ZNF510: variants seen among roughly 807,000 people sequenced by gnomAD.
ZNF510 encodes zinc finger protein 510.
ZNF510 carries 15 observed loss-of-function variants against 18.1 expected under a neutral mutation model. The ratio of observed to expected loss-of-function variants is 0.83; its 90% CI spans 0.55 to 1.28. ZNF510 has a LOEUF of 1.28. Ranked by LOEUF, ZNF510 falls within the 50% of genes most tolerant of loss-of-function variation. The probability of loss-of-function intolerance (pLI) is 0.00; values close to 1 mark genes in which losing one functional copy is unlikely to be tolerated. For missense variants in ZNF510, 724 were observed against 791.8 expected, an observed-to-expected ratio of 0.91 and a Z score of 1.03; for synonymous variants, 261 against 266.4, an observed-to-expected ratio of 0.98 and a Z score of 0.20.
At chr9:96,770,137 AACAGT>A (rs2118032432) in intron 3 of ZNF510, among the ~76,000 whole-genome samples, 1 of 152,370 alleles carries the variant, frequency 6.6e-6, no homozygotes, top group Non-Finnish European at 1.5e-5. Flanking sequence ...CACTAGTCAT[AACAGT>A]CAAAAGGGAG....
At chr9:96,765,067 C>T (rs577416705) in intron 3 of ZNF510, among the ~76,000 whole-genome samples, 42 of 152,044 alleles carry the variant, frequency 2.8e-4, no homozygotes, top group African/African-American at 5.8e-4. Flanking sequence ...GAGCTGAGAT[C>T]GCGCCACTGC....
intron 3 of ZNF510, among the ~76,000 whole-genome samples, chr9:96,766,561 T>G (rs1438777355): frequency 6.6e-6 from 1 of 151,332 alleles, no homozygotes; most frequent in African/African-American, 2.5e-5. Context: ...TATAGAAGAT[T>G]GAAAAGACAT....
At position 96,755,418 on chromosome 9, in the gene ZNF510, T is replaced by C. The variant is rs1849171834; in HGVS notation, c.*3360A>G. Among the ~76,000 whole-genome samples, 2 of 152,224 alleles carry C rather than the reference T, an allele frequency of 1.3e-5. No homozygotes were observed. The highest frequency in any genetic ancestry group is 1.3e-4 in the Admixed American group (2 of 15,286). Reference sequence around the variant, plus strand: ...TGGTCCTAACAGGTACTAACTGGGCTTGTGTACCATTAATCTTCCTGTCAT... The same window carrying C: ...TGGTCCTAACAGGTACTAACTGGGCCTGTGTACCATTAATCTTCCTGTCAT... On this transcript the variant is annotated 3_prime_UTR_variant, in exon 6 of 6. Coordinates refer to ENST00000223428, the MANE Select transcript of ZNF510 (RefSeq NM_014930.3).
At chr9:96,772,028 C>A (rs1236471723) in intron 3 of ZNF510, among the ~76,000 whole-genome samples, 1 of 152,090 alleles carries the variant, frequency 6.6e-6, no homozygotes, top group Non-Finnish European at 1.5e-5. Context: ...TTGTGACTTA[C>A]TATAAAGCAA....
intron 5 of ZNF510, among the ~76,000 whole-genome samples, chr9:96,762,178 C>T (rs186774088): frequency 6.7e-6 from 1 of 148,796 alleles, no homozygotes; most frequent in Non-Finnish European, 1.5e-5. Context: ...CCAAATACCA[C>T]CTGTTCCCCC....
intron 5 of ZNF510, 121 bp from the exon 6 acceptor site, chr9:96,760,598 GTA>G (rs1443417994): frequency 3.4e-6 from 3 of 872,436 alleles, no homozygotes; most frequent in East Asian, 2.6e-5. Context: ...TAATTCAGAT[GTA>G]TGTGTGTGTA....
chr9:96,757,817 C>T lies in ZNF510; in HGVS notation c.*961G>A, dbSNP rs1588124120. 6.6e-6 allele frequency: 1 copy of T among 152,236 alleles called. No individual in the cohort carries two copies. Among genetic ancestry groups the T allele is most frequent in the East Asian group, 1.9e-4 (1 of 5,176 alleles). 9.4% of individuals were successfully genotyped at this position (152,236 alleles called of 1,614,324 possible). On this transcript the variant is annotated 3_prime_UTR_variant, in exon 6 of 6. Transcript: ENST00000223428. ...CCAGAAATGCTCTTGCAATTTCAGG[C>T]CATTATTTAGTAAAACAAGGGTTAC...
intron 3 of ZNF510, among the ~76,000 whole-genome samples, chr9:96,764,458 C>T (rs10124961): frequency 0.041 from 6,286 of 152,214 alleles, 434 homozygotes; most frequent in African/African-American, 0.14. Flanking sequence ...GGCCACTTAC[C>T]GCTTTTTAAA....
At position 96,776,213 on chromosome 9, in the gene ZNF510, G is replaced by A. The variant is rs1204341844; in HGVS notation, c.-144C>T. ...CTGTTCTGTCAGAGAGCAGTTCTTC[G>A]GTGGGACTCCTGTTCCTGGGGCTCC... On this transcript the variant is annotated 5_prime_UTR_variant, in exon 2 of 6. Coordinates refer to ENST00000223428, the MANE Select transcript of ZNF510 (RefSeq NM_014930.3). 5.9e-6 allele frequency: 8 copies of A among 1,365,876 alleles called. No individual in the cohort carries two copies. The highest frequency in any genetic ancestry group is 1.8e-5 in the South Asian group (1 of 54,708). 84.6% of individuals were successfully genotyped at this position (1,365,876 alleles called of 1,614,324 possible).
chr9:96,759,928 C>T lies in ZNF510; in HGVS notation c.902G>A (p.Arg301Lys). 1 of 1,613,354 alleles carries T rather than the reference C, an allele frequency of 6.2e-7. No individual in the cohort carries two copies. The highest frequency in any genetic ancestry group is 8.5e-7 in the Non-Finnish European group (1 of 1,179,968). ...CDKKTLFDHR[R>K]TGTGKKHLHL... ...CAGGTGTTTCTTCCCTGTGCCAGTT[C>T]TCCTGTGGTCAAAGAGAGTTTTCTT... The change falls in exon 6 of 6, where the codon AGA becomes AAA. Residue 301 changes from arginine to lysine, a missense_variant. Transcript: ENST00000223428.
At position 96,758,998 on chromosome 9, in the gene ZNF510, C is replaced by T. The variant is rs201666879; in HGVS notation, c.1832G>A (p.Arg611Gln). 121 of 1,601,514 alleles carry T rather than the reference C, an allele frequency of 7.6e-5. No individual in the cohort carries two copies. The highest frequency in any genetic ancestry group is 1.8e-4 in the East Asian group (8 of 43,868). ...KCNECGKKFV[R>Q]KAILSDHQRI... ...CTGATGATCACTAAGGATTGCTTTC[C>T]GGACAAATTTCTTCCCACATTCATT... The change falls in exon 6 of 6, where the codon CGG (arginine) becomes CAG (glutamine). Residue 611 changes from arginine (R) to glutamine (Q), a missense_variant. Physicochemically the swap from Arg to Gln is conservative, Grantham distance 43. Coordinates refer to ENST00000223428, the MANE Select transcript of ZNF510 (RefSeq NM_014930.3).
rs1651288800 is a variant in ZNF510 at position 96,759,792 on chromosome 9, G to A, written c.1038C>T (p.Asn346=). 1 of 1,613,824 alleles carries A rather than the reference G, an allele frequency of 6.2e-7. No homozygotes were observed. Among genetic ancestry groups the A allele is most frequent in the Admixed American group, 1.7e-5 (1 of 59,992 alleles). Residue 346 remains asparagine, a synonymous_variant, in exon 6 of 6, where the codon AAC becomes AAT. Coordinates refer to ENST00000223428, the MANE Select transcript of ZNF510 (RefSeq NM_014930.3). The part of the protein sequence containing the change: ...YELNPSGNNF[N]RKAHLTDPQT... Reference sequence around the variant, plus strand: ...GAGGATCAGTGAGGTGTGCCTTTCTGTTGAAATTATTTCCACTTGGATTTA... The same window carrying A: ...GAGGATCAGTGAGGTGTGCCTTTCTATTGAAATTATTTCCACTTGGATTTA...
At position 96,760,543 on chromosome 9, in the gene ZNF510, A is replaced by G. The variant is rs1477465587; in HGVS notation, c.353-66T>C. 3 of 1,397,632 alleles carry G rather than the reference A, an allele frequency of 2.1e-6. No individual in the cohort carries two copies. The Admixed American group carries it at 7.0e-5, about 33-fold the overall frequency. The allele number at this position is 1,397,632 out of a possible 1,614,324, so 86.6% of individuals were successfully genotyped here. Reference sequence around the variant, plus strand: ...CTTCTGTGGGTAGAGCTTTATCAACATACAGCCTATGTTGCACCTAATTAT... The same window carrying G: ...CTTCTGTGGGTAGAGCTTTATCAACGTACAGCCTATGTTGCACCTAATTAT... On this transcript the variant is annotated intron_variant, in intron 5 of 5. Coordinates refer to ENST00000223428, the MANE Select transcript of ZNF510 (RefSeq NM_014930.3).
rs1336298563 is a variant in ZNF510 at position 96,776,105 on chromosome 9, G to A, written c.-36C>T. 1.3e-6 allele frequency: 2 copies of A among 1,576,366 alleles called. No homozygotes were observed. Among genetic ancestry groups the A allele is most frequent in the Non-Finnish European group, 8.6e-7 (1 of 1,159,158 alleles). ...GGTGCTCTCTGGGCAAGGGGATGAAGAAGTGCCGCTGGTTGGGCAAATCAA... is the reference window on the plus strand; with the variant it reads ...GGTGCTCTCTGGGCAAGGGGATGAAAAAGTGCCGCTGGTTGGGCAAATCAA... On this transcript the variant is annotated 5_prime_UTR_variant, in exon 2 of 6. Transcript: ENST00000223428.
At chr9:96,772,681 T>C (rs1490700039) in intron 3 of ZNF510, among the ~76,000 whole-genome samples, 1 of 152,178 alleles carries the variant, frequency 6.6e-6, no homozygotes, top group African/African-American at 2.4e-5. Flanking sequence ...TTTGATAAGA[T>C]ACCACACTAT....
At chr9:96,771,210 T>G (rs1849578706) in intron 3 of ZNF510, among the ~76,000 whole-genome samples, 1 of 152,180 alleles carries the variant, frequency 6.6e-6, no homozygotes, top group Non-Finnish European at 1.5e-5. Context: ...TCCATTAATG[T>G]AGACACAAAA....
chr9:96,759,179 T>C lies in ZNF510; in HGVS notation c.1651A>G (p.Lys551Glu). ...AGATGATCTTTTCGCCAGAAGGATTTTTCACATTCATTACACTGGTAAGTT... is the reference window on the plus strand; with the variant it reads ...AGATGATCTTTTCGCCAGAAGGATTCTTCACATTCATTACACTGGTAAGTT... ...EKTYQCNECEKSFWRKDHLIQ... is the reference protein window; with the variant it reads ...EKTYQCNECEESFWRKDHLIQ... The change falls in exon 6 of 6, where the codon AAA (lysine) becomes GAA (glutamate). Residue 551 changes from lysine (K) to glutamate (E), a missense_variant. Physicochemically the swap from Lys to Glu is moderately conservative, Grantham distance 56 (BLOSUM62 1). Transcript: ENST00000223428. The C allele has an allele frequency of 6.2e-7, 1 of 1,614,134 alleles. No individual in the cohort carries two copies. Among genetic ancestry groups the C allele is most frequent in the Non-Finnish European group, 8.5e-7 (1 of 1,180,002 alleles).
At chr9:96,766,581 A>C (rs888935993) in intron 3 of ZNF510, among the ~76,000 whole-genome samples, 1 of 148,456 alleles carries the variant, frequency 6.7e-6, no homozygotes, top group Non-Finnish European at 1.5e-5. Context: ...TAATTAACCA[A>C]CCTGACTGAC....
chr9:96,776,057 G>T lies in ZNF510; in HGVS notation c.13C>A (p.Pro5Thr). The change falls in exon 2 of 6, where the codon CCA becomes ACA. Residue 5 changes from proline (P) to threonine (T), a missense_variant. Coordinates refer to ENST00000223428, the MANE Select transcript of ZNF510 (RefSeq NM_014930.3). MSPH[P>T]EAITDCVTLN... ...GTCACACAATCTGTGATGGCTTCTG[G>T]ATGTGGCGACATCACCAAGTCTGGT... 1 of 1,605,298 alleles carries T rather than the reference G, an allele frequency of 6.2e-7. No homozygotes were observed. The highest frequency in any genetic ancestry group is 1.3e-5 in the African/African-American group (1 of 74,982).
Sources: gnomAD v4.1 joint callset for allele counts (sites outside exome capture counted in the v4.1 genomes callset) on GRCh38, gnomAD v4.1.1 for gene constraint, MANE v1.5 for transcripts, NCBI Gene and HGNC (gene_info 2026-07-23, HGNC 2026-07-21) for gene names.